Variants in NBAS observed in about 807,000 individuals in gnomAD.
NBAS encodes NAG/BC035112 fusion.
In NBAS, 219 loss-of-function variants were observed where a neutral mutation model predicts 302.5. That is an observed-to-expected ratio of 0.72 (90% CI 0.65 to 0.81). The LOEUF (loss-of-function observed/expected upper bound fraction) is 0.81. Among genes scored for constraint, NBAS ranks in the 30% least tolerant of loss-of-function variants. The pLI is 0.00. For synonymous variants in NBAS, 1,118 were observed against 1,021.6 expected, an observed-to-expected ratio of 1.09 and a Z score of -1.80; for missense variants, 2,932 against 2,841.6, an observed-to-expected ratio of 1.03 and a Z score of -0.72.
At chr2:15,539,395 A>G (rs2148689564) in intron 6 of NBAS, 39 bp from the exon 7 acceptor site, 2 of 1,612,374 alleles carry the variant, frequency 1.2e-6, no homozygotes, top group Non-Finnish European at 1.7e-6. Context: ...CTAACAATAT[A>G]TTACAAAGAT....
chr2:14,801,971 T>C, the NBAS span, among the ~76,000 whole-genome samples: 3 of 146,348 alleles, frequency 2.0e-5, no homozygotes, highest in African/African-American at 5.1e-5. Context: ...ATTTTGTAGG[T>C]TGCCTGTTCA....
At chr2:15,064,799 C>G in the NBAS span, among the ~76,000 whole-genome samples, 1 of 152,012 alleles carries the variant, frequency 6.6e-6, no homozygotes, top group Non-Finnish European at 1.5e-5. Context: ...AACAAAAACC[C>G]TACAGGTAAA....
At chr2:14,901,234 A>G in the NBAS span, among the ~76,000 whole-genome samples, 2 of 152,232 alleles carry the variant, frequency 1.3e-5, no homozygotes, top group East Asian at 3.8e-4. Flanking sequence ...TAGGTGCTCA[A>G]TAAAAGTATA....
At chr2:15,030,886 A>G in the NBAS span, among the ~76,000 whole-genome samples, 1 of 152,016 alleles carries the variant, frequency 6.6e-6, no homozygotes, top group Non-Finnish European at 1.5e-5. Context: ...GACATTGCTG[A>G]TGTCCTCTCA....
chr2:14,878,131 G>GT, the NBAS span, among the ~76,000 whole-genome samples: 1 of 152,184 alleles, frequency 6.6e-6, no homozygotes, highest in Non-Finnish European at 1.5e-5. Context: ...TTGCTGGCAA[G>GT]TAATGCAACA....
chr2:15,027,594 T>G, the NBAS span, among the ~76,000 whole-genome samples: 1 of 152,156 alleles, frequency 6.6e-6, no homozygotes, highest in South Asian at 2.1e-4. Flanking sequence ...GTTTTACTTC[T>G]TCTTTCCCAA....
the NBAS span, among the ~76,000 whole-genome samples, chr2:14,888,387 T>C: frequency 2.6e-5 from 4 of 151,890 alleles, no homozygotes; most frequent in African/African-American, 9.7e-5. Flanking sequence ...TGCTTTGGCC[T>C]CCCAAAGTGC....
At chr2:15,381,095 A>G (rs888026682) in intron 29 of NBAS, among the ~76,000 whole-genome samples, 7 of 152,216 alleles carry the variant, frequency 4.6e-5, no homozygotes, top group Non-Finnish European at 1.0e-4. Context: ...CTTATATGTC[A>G]TAGTTTCTCC....
At chr2:14,988,396 C>T in the NBAS span, among the ~76,000 whole-genome samples, 83 of 152,254 alleles carry the variant, frequency 5.5e-4, no homozygotes, top group Admixed American at 1.5e-3. Flanking sequence ...GCCAGGACAA[C>T]GTATTATAAA....
the NBAS span, among the ~76,000 whole-genome samples, chr2:14,918,172 C>T: frequency 2.0e-5 from 3 of 152,114 alleles, no homozygotes; most frequent in African/African-American, 7.2e-5. Context: ...ACAATACAAC[C>T]GCCACTTGCA....
chr2:15,366,476 G>T, intron 32 of NBAS, 104 bp downstream of exon 32: 1 of 1,111,626 alleles, frequency 9.0e-7, no homozygotes, highest in Non-Finnish European at 1.4e-6. Flanking sequence ...TAATAAAAAA[G>T]CTGTTCTTCT....
At chr2:15,358,480 C>T (rs901922588) in intron 32 of NBAS, among the ~76,000 whole-genome samples, 1 of 152,056 alleles carries the variant, frequency 6.6e-6, no homozygotes, top group Admixed American at 6.6e-5. Flanking sequence ...GGTTTCTCTC[C>T]GTTGCCCAAG....
chr2:15,059,782 T>C, the NBAS span, among the ~76,000 whole-genome samples: 21 of 152,120 alleles, frequency 1.4e-4, no homozygotes, highest in Admixed American at 9.8e-4. Context: ...ACTTATTCTG[T>C]GAAGCTCTGG....
intron 15 of NBAS, among the ~76,000 whole-genome samples, chr2:15,473,785 G>A (rs1249522851): frequency 1.3e-5 from 2 of 152,114 alleles, no homozygotes; most frequent in Non-Finnish European, 2.9e-5. Context: ...ACAGATAAAG[G>A]GAGAGCTGAA....
chr2:15,045,264 G>A, the NBAS span, among the ~76,000 whole-genome samples: 1 of 152,164 alleles, frequency 6.6e-6, no homozygotes, highest in African/African-American at 2.4e-5. Context: ...AAGAGAATAA[G>A]TATTCCAGAA....
the NBAS span, among the ~76,000 whole-genome samples, chr2:15,096,611 G>T: frequency 2.3e-3 from 357 of 152,268 alleles, 1 homozygote; most frequent in African/African-American, 6.7e-3. Context: ...GGACAAATGG[G>T]TTCAAAGGCT....
At chr2:15,099,591 C>T in the NBAS span, among the ~76,000 whole-genome samples, 1 of 151,642 alleles carries the variant, frequency 6.6e-6, no homozygotes, top group Non-Finnish European at 1.5e-5. Context: ...AAAAATAAGA[C>T]AGAATTTACA....
At chr2:15,407,801 T>G (rs899422140) in intron 25 of NBAS, among the ~76,000 whole-genome samples, 1 of 152,176 alleles carries the variant, frequency 6.6e-6, no homozygotes, top group African/African-American at 2.4e-5. Context: ...TAACACAAAT[T>G]TATCCTCTTA....
the NBAS span, among the ~76,000 whole-genome samples, chr2:14,849,885 G>T: frequency 7.3e-6 from 1 of 137,412 alleles, no homozygotes; most frequent in Non-Finnish European, 1.5e-5. Flanking sequence ...AATGCTGAGA[G>T]ATTTTGTCAC....
Sources: gnomAD v4.1 joint callset for allele counts (sites outside exome capture counted in the v4.1 genomes callset) on GRCh38, gnomAD v4.1.1 for gene constraint, MANE v1.5 for transcripts, NCBI Gene and HGNC (gene_info 2026-07-23, HGNC 2026-07-21) for gene names.